The following RB1 variants were observed in gnomAD, a reference collection of about 807,000 sequenced individuals.
The protein encoded by RB1 is retinoblastoma-associated protein.
A neutral mutation model predicts 135.4 loss-of-function variants in RB1; 18 were observed. The observed-to-expected ratio is 0.13, with a 90% CI of 0.09 to 0.20. The LOEUF (loss-of-function observed/expected upper bound fraction) is 0.20, where lower values mean the gene tolerates loss of function less well. Among genes scored for constraint, RB1 ranks in the 10% least tolerant of loss-of-function variants. The probability of loss-of-function intolerance (pLI) is 1.00; values close to 1 mark genes in which losing one functional copy is unlikely to be tolerated. For synonymous variants in RB1, 365 were observed against 373.2 expected (o/e 0.98, Z 0.25); for missense variants, 868 against 1,110.0 (o/e 0.78, Z 3.10).
intron 2 of RB1, chr13:48,317,408 C>T (rs920595297): frequency 9.7e-5 from 36 of 371,456 alleles, no homozygotes; most frequent in African/African-American, 7.6e-4. Flanking sequence ...TGGGTGAAGT[C>T]GCTCGAGGGC....
chr13:48,318,265 T>C, intron 2 of RB1: 1 of 887,284 alleles, frequency 1.1e-6, no homozygotes, highest in Non-Finnish European at 1.7e-6. Context: ...CTTCTGTCTT[T>C]CCAGTCTCTC....
At chr13:48,449,414 C>T (rs1300578882) in intron 17 of RB1, among the ~76,000 whole-genome samples, 1 of 152,202 alleles carries the variant, frequency 6.6e-6, no homozygotes, top group Non-Finnish European at 1.5e-5. Flanking sequence ...GGTATCGCCA[C>T]TGCCACATCC....
At chr13:48,459,886 ATTC>A (rs202040102) in intron 20 of RB1, 53 bp downstream of exon 20, 552,381 of 997,586 alleles carry the variant, frequency 0.55, 238,992 homozygotes, top group Non-Finnish European at 0.62. Flanking sequence ...TTGTTAACTG[ATTC>A]TTTCTTTCTT....
rs1593421310 is a variant in RB1 at position 48,318,772 on chromosome 13, T to A, written c.264+11366T>A. 7 of 709,362 alleles carry A rather than the reference T, an allele frequency of 9.9e-6. No individual in the cohort carries two copies. In the East Asian group the frequency reaches 2.0e-4, roughly 20 times the overall value. The allele number at this position is 709,362 out of a possible 1,614,324, so 43.9% of individuals were successfully genotyped here. On this transcript the variant is annotated intron_variant, in intron 2 of 26. Coordinates refer to ENST00000267163, the MANE Select transcript of RB1 (RefSeq NM_000321.3). ...GGGGCCTTGGGGCCACTGGTCTGGC[T>A]GTTGGGGCCAGGCGGTGAAAGTGGG...
rs146689683 is a variant in RB1 at position 48,351,981 on chromosome 13, C to G, written c.607+2958C>G. Among the ~76,000 whole-genome samples, 270 of 151,896 alleles carry G rather than the reference C, an allele frequency of 1.8e-3. 3 individuals carry two copies. The highest frequency in any genetic ancestry group is 6.2e-3 in the African/African-American group (259 of 41,504). ...GAGCCACCACACCTGGCCTGGCCAT[C>G]TTCAATCCATCTTGAGTTGATTTTT... is the stretch of plus-strand genomic sequence containing the variant. On this transcript the variant is annotated intron_variant, in intron 6 of 26. Coordinates refer to ENST00000267163, the MANE Select transcript of RB1 (RefSeq NM_000321.3).
At chr13:48,386,904 C>T (rs1948574937) in intron 17 of RB1, among the ~76,000 whole-genome samples, 1 of 151,932 alleles carries the variant, frequency 6.6e-6, no homozygotes, top group Non-Finnish European at 1.5e-5. Flanking sequence ...CAAGATAAAC[C>T]AATGGATTTT....
chr13:48,320,101 G>A (rs1445591890), intron 2 of RB1: 2 of 674,340 alleles, frequency 3.0e-6, no homozygotes, highest in East Asian at 6.2e-5. Context: ...CAATGTCCCG[G>A]TCCACGGAAT....
chr13:48,315,485 C>G (rs561221491), intron 2 of RB1, among the ~76,000 whole-genome samples: 1 of 152,284 alleles, frequency 6.6e-6, no homozygotes, highest in East Asian at 1.9e-4. Context: ...AGTTTGACTT[C>G]CTTTTTTCTT....
rs1237070816 is a variant in RB1 at position 48,381,345 on chromosome 13, G to C, written c.1597G>C (p.Glu533Gln). 1.2e-6 allele frequency: 2 copies of C among 1,611,624 alleles called. No homozygotes were observed. The highest frequency in any genetic ancestry group is 1.7e-6 in the Non-Finnish European group (2 of 1,178,972). The change falls in exon 17 of 27, where the codon GAA becomes CAA. Residue 533 changes from glutamate (E) to glutamine (Q), a missense_variant. Around this residue, in one of 3 missense-constraint regions of RB1, gnomAD observed 641 missense variants for 791.3 expected, o/e 0.81. Transcript: ENST00000267163. ...AGCCTTTGATTTTTACAAAGTGATC[G>C]AAAGTTTTATCAAAGCAGAAGGCAA... is the stretch of plus-strand genomic sequence containing the variant. The part of the protein sequence containing the change: ...LKAFDFYKVI[E>Q]SFIKAEGNLT...
chr13:48,412,673 T>C (rs1948837090), intron 17 of RB1: 1 of 533,056 alleles, frequency 1.9e-6, no homozygotes, highest in African/African-American at 1.9e-5. Context: ...ATCCATGAAT[T>C]CCAAGGCTCA....
chr13:48,391,285 C>T (rs1448253984), intron 17 of RB1: 2 of 152,118 alleles, frequency 1.3e-5, no homozygotes, highest in Admixed American at 6.6e-5. Context: ...CATTTTGCTT[C>T]GACAGAAGTT....
intron 17 of RB1, among the ~76,000 whole-genome samples, chr13:48,397,972 T>A (rs989910101): frequency 6.6e-6 from 1 of 152,212 alleles, no homozygotes; most frequent in Non-Finnish European, 1.5e-5. Context: ...ATTATTTGTT[T>A]TAAGTTATAT....
chr13:48,303,825 A>G lies in RB1; in HGVS notation c.-88A>G. The G allele has an allele frequency of 6.8e-7, 1 of 1,467,908 alleles. No individual in the cohort carries two copies. Among genetic ancestry groups the G allele is most frequent in the Non-Finnish European group, 9.0e-7 (1 of 1,113,368 alleles). The allele number at this position is 1,467,908 out of a possible 1,614,324, so 90.9% of individuals were successfully genotyped here. On this transcript the variant is annotated 5_prime_UTR_variant, in exon 1 of 27. Transcript: ENST00000267163. ...AATTATTTTTGTAACGGGAGTCGGGAGAGGACGGGGCGTGCCCCGACGTGC... is the reference window on the plus strand; with the variant it reads ...AATTATTTTTGTAACGGGAGTCGGGGGAGGACGGGGCGTGCCCCGACGTGC...
intron 13 of RB1, among the ~76,000 whole-genome samples, chr13:48,377,921 A>G (rs1214903696): frequency 6.6e-6 from 1 of 152,184 alleles, no homozygotes; most frequent in East Asian, 1.9e-4. Flanking sequence ...ATAATGTGTT[A>G]CCATTTGTGT....
intron 17 of RB1, among the ~76,000 whole-genome samples, chr13:48,402,525 G>A (rs1948702116): frequency 6.6e-6 from 1 of 151,830 alleles, no homozygotes; most frequent in Non-Finnish European, 1.5e-5. Context: ...CTACAGGTGT[G>A]AGCCAACACA....
intron 7 of RB1, among the ~76,000 whole-genome samples, chr13:48,362,078 G>C (rs1364343920): frequency 6.6e-6 from 1 of 151,736 alleles, no homozygotes; most frequent in African/African-American, 2.4e-5. Context: ...CTCCCGAGTA[G>C]CTGGGACTAT....
intron 19 of RB1, among the ~76,000 whole-genome samples, chr13:48,457,113 G>A (rs1949365342): frequency 6.6e-6 from 1 of 152,224 alleles, no homozygotes; most frequent in African/African-American, 2.4e-5. Flanking sequence ...ACACAGACAA[G>A]TGGAGGGTGA....
chr13:48,361,999 G>T (rs572845645), intron 7 of RB1, among the ~76,000 whole-genome samples: 1 of 148,234 alleles, frequency 6.7e-6, no homozygotes, highest in East Asian at 2.0e-4. Flanking sequence ...CAGGCCTGGA[G>T]TTCAGTGGCG....
chr13:48,459,664 G>T (rs1238345089), intron 19 of RB1, 24 bp from the exon 20 acceptor site: 2 of 1,613,308 alleles, frequency 1.2e-6, no homozygotes, highest in African/African-American at 1.3e-5. Flanking sequence ...CAGTAAAAAT[G>T]ACTAATTTTT....
Sources: gnomAD v4.1 joint callset for allele counts (sites outside exome capture counted in the v4.1 genomes callset) on GRCh38, gnomAD v4.1.1 for gene constraint, gnomAD v4.1.1 regional missense constraint, MANE v1.5 for transcripts, NCBI Gene and HGNC (gene_info 2026-07-23, HGNC 2026-07-21) for gene names.